Variants in NBEA observed in about 807,000 individuals in gnomAD.
NBEA encodes neurobeachin.
Under a neutral mutation model 343.4 loss-of-function variants are expected in NBEA, and 44 were observed. That is an observed-to-expected ratio of 0.13 (90% CI 0.10 to 0.16). The LOEUF is 0.16. NBEA is among the 10% of genes least tolerant of loss of function. The pLI, the probability that NBEA is intolerant of heterozygous loss-of-function variation, is 1.00. For missense variants in NBEA, 2,555 were observed against 3,631.3 expected (o/e 0.70, Z 7.62); for synonymous variants, 1,175 against 1,238.7 (o/e 0.95, Z 1.08).
chr13:35,074,494 C>G (rs923790251), intron 10 of NBEA, among the ~76,000 whole-genome samples: 2 of 151,822 alleles, frequency 1.3e-5, no homozygotes, highest in African/African-American at 4.8e-5. Flanking sequence ...AAAAATACAC[C>G]AGGAGAATAG....
intron 41 of NBEA, among the ~76,000 whole-genome samples, chr13:35,480,528 A>C (rs9544426): frequency 0.4 from 60,228 of 151,860 alleles, 12,246 homozygotes; most frequent in East Asian, 0.68. Context: ...CACAAGTATT[A>C]ATGAATTTAA....
At chr13:35,405,365 ATGC>A (rs1208531017) in intron 38 of NBEA, among the ~76,000 whole-genome samples, 1 of 152,098 alleles carries the variant, frequency 6.6e-6, no homozygotes, top group African/African-American at 2.4e-5. Flanking sequence ...AGACTGTCTC[ATGC>A]TGCTGCTGCT....
intron 10 of NBEA, among the ~76,000 whole-genome samples, chr13:35,081,613 G>C (rs953625843): frequency 1.9e-4 from 29 of 151,814 alleles, no homozygotes; most frequent in Non-Finnish European, 1.5e-4. Context: ...TGAGAAAACA[G>C]TTTGGAGGAT....
At chr13:35,113,143 A>G (rs145028202) in intron 13 of NBEA, among the ~76,000 whole-genome samples, 1 of 152,264 alleles carries the variant, frequency 6.6e-6, no homozygotes, top group East Asian at 1.9e-4. Flanking sequence ...TTTGAATAAT[A>G]CAGACCAGTT....
chr13:35,421,538 T>G (rs1485693098), intron 38 of NBEA, among the ~76,000 whole-genome samples: 1 of 152,096 alleles, frequency 6.6e-6, no homozygotes, highest in Admixed American at 6.6e-5. Flanking sequence ...TTACAATTTT[T>G]GTTTCAACAG....
chr13:35,617,253 G>A (rs1318156207), intron 48 of NBEA, among the ~76,000 whole-genome samples: 1 of 152,182 alleles, frequency 6.6e-6, no homozygotes, highest in African/African-American at 2.4e-5. Flanking sequence ...AATGGATCTG[G>A]TAAGACTTGT....
chr13:35,313,767 G>A (rs982087991), intron 36 of NBEA, among the ~76,000 whole-genome samples: 15 of 151,932 alleles, frequency 9.9e-5, no homozygotes, highest in African/African-American at 3.6e-4. Context: ...GGTATTTTTT[G>A]AAAAAGTGAT....
chr13:35,569,245 A>T (rs887336758), intron 45 of NBEA, among the ~76,000 whole-genome samples: 6 of 152,200 alleles, frequency 3.9e-5, no homozygotes, highest in Admixed American at 2.0e-4. Context: ...GGGGTGTAAA[A>T]CAAAAACCAA....
intron 38 of NBEA, among the ~76,000 whole-genome samples, chr13:35,395,158 C>T (rs2042684481): frequency 6.6e-6 from 1 of 151,970 alleles, no homozygotes; most frequent in African/African-American, 2.4e-5. Context: ...TTTTAGGACA[C>T]ATTATATATG....
chr13:35,045,034 A>C lies in NBEA; in HGVS notation c.614A>C (p.Glu205Ala). 1 of 1,609,402 alleles carries C rather than the reference A, an allele frequency of 6.2e-7. No homozygotes were observed. Among genetic ancestry groups the C allele is most frequent in the Non-Finnish European group, 8.5e-7 (1 of 1,177,680 alleles). Residue 205 changes from glutamate (E) to alanine (A), a missense_variant, in exon 3 of 59, where the codon GAA becomes GCA. Physicochemically the swap from Glu to Ala is moderately radical, Grantham distance 107 (BLOSUM62 -1). This residue lies in a region of NBEA where 185 missense variants were observed against 290.6 expected (regional missense o/e 0.64). Transcript: ENST00000379939. ...LKLLFSMLRG[E>A]SGIWPRHAVK... ...CTTTTGTTCAGCATGCTTCGAGGAG[A>C]AAGTGGAATCTGGGTAAGCTGTGGT...
intron 38 of NBEA, among the ~76,000 whole-genome samples, chr13:35,386,793 A>G (rs1223176895): frequency 6.6e-6 from 1 of 152,112 alleles, no homozygotes; most frequent in Non-Finnish European, 1.5e-5. Flanking sequence ...ATGGTTGTTG[A>G]TAAATGTGGC....
chr13:34,942,779 G>T lies in NBEA; in HGVS notation c.-42G>T. ...AGGCAGGTATAACGGTACCGGCGGC[G>T]GCAGCGCCGCTGCTCTTCCCTTCTC... is the stretch of plus-strand genomic sequence containing the variant. On this transcript the variant is annotated 5_prime_UTR_variant, in exon 1 of 59. Transcript: ENST00000379939. 3.8e-6 allele frequency: 5 copies of T among 1,304,064 alleles called. No individual in the cohort carries two copies. In the Admixed American group the frequency reaches 1.2e-4, roughly 31 times the overall value. 80.8% of individuals were successfully genotyped at this position (1,304,064 alleles called of 1,614,324 possible).
intron 8 of NBEA, among the ~76,000 whole-genome samples, chr13:35,059,330 AG>A (rs1016136255): frequency 1.1e-4 from 16 of 151,978 alleles, no homozygotes; most frequent in African/African-American, 3.9e-4. Flanking sequence ...GTGAGGAAGT[AG>A]GTACAGTAGT....
intron 35 of NBEA, among the ~76,000 whole-genome samples, chr13:35,303,513 G>C (rs939137061): frequency 6.6e-6 from 1 of 152,144 alleles, no homozygotes; most frequent in Non-Finnish European, 1.5e-5. Flanking sequence ...TTCTGGGAAA[G>C]AAGTAAAGTT....
intron 1 of NBEA, among the ~76,000 whole-genome samples, chr13:35,014,251 G>A (rs930759010): frequency 2.6e-4 from 40 of 152,128 alleles, no homozygotes; most frequent in Middle Eastern, 3.2e-3. Flanking sequence ...TTTTGAACAA[G>A]TGAATCTTCT....
chr13:34,983,455 G>A (rs1281394635), intron 1 of NBEA, among the ~76,000 whole-genome samples: 1 of 152,116 alleles, frequency 6.6e-6, no homozygotes, highest in South Asian at 2.1e-4. Context: ...CTAAGTCTTT[G>A]CTATTGTGAA....
chr13:35,178,567 A>G (rs1026016373), intron 28 of NBEA, among the ~76,000 whole-genome samples: 2 of 151,708 alleles, frequency 1.3e-5, no homozygotes, highest in Non-Finnish European at 3.0e-5. Flanking sequence ...ATGTACATAC[A>G]TACGTGCATC....
intron 38 of NBEA, among the ~76,000 whole-genome samples, chr13:35,417,799 T>C (rs190618920): frequency 1.9e-3 from 289 of 152,304 alleles, no homozygotes; most frequent in Admixed American, 4.2e-3. Context: ...TTGTTAACTT[T>C]CTGTCGCGTT....
intron 1 of NBEA, among the ~76,000 whole-genome samples, chr13:34,945,564 GA>G (rs2059162071): frequency 1.3e-5 from 2 of 151,936 alleles, no homozygotes; most frequent in Non-Finnish European, 2.9e-5. Flanking sequence ...AATCTAAAAT[GA>G]TTTTTTAAAA....
Sources: gnomAD v4.1 joint callset for allele counts (sites outside exome capture counted in the v4.1 genomes callset) on GRCh38, gnomAD v4.1.1 for gene constraint, gnomAD v4.1.1 regional missense constraint, MANE v1.5 for transcripts, NCBI Gene and HGNC (gene_info 2026-07-23, HGNC 2026-07-21) for gene names.